The following CFAP92 variants were observed in gnomAD, a reference collection of about 807,000 sequenced individuals.
The protein encoded by CFAP92 is uncharacterized protein CFAP92.
CFAP92 carries 86 observed loss-of-function variants against 106.3 expected under a neutral mutation model. The ratio of observed to expected loss-of-function variants is 0.81; its 90% CI spans 0.68 to 0.97. CFAP92 has a LOEUF of 0.97. Among genes scored for constraint, CFAP92 ranks in the 50% least tolerant of loss-of-function variants. The pLI is 0.00. For synonymous variants in CFAP92, 477 were observed against 506.4 expected (o/e 0.94, Z 0.78); for missense variants, 1,204 against 1,283.8 (o/e 0.94, Z 0.95).
At chr3:129,021,634 C>T in the CFAP92 span, among the ~76,000 whole-genome samples, 26 of 152,124 alleles carry the variant, frequency 1.7e-4, no homozygotes, top group East Asian at 3.9e-4. Context: ...TGTGAGTCTG[C>T]GCGGGTATCT....
chr3:128,913,120 T>A (rs1050437364), intron 15 of CFAP92: 29 of 444,294 alleles, frequency 6.5e-5, no homozygotes, highest in African/African-American at 5.2e-4. Context: ...TGTTAGCCTT[T>A]GCTGTACTTG....
intron 4 of CFAP92, among the ~76,000 whole-genome samples, chr3:128,982,783 A>G (rs1450862228): frequency 6.6e-6 from 1 of 152,208 alleles, no homozygotes; most frequent in Non-Finnish European, 1.5e-5. Flanking sequence ...AGGCCTGAAG[A>G]GAGGGAGAGA....
rs1395154337 is a variant in CFAP92, at chr3:128,911,530, T to A, written c.3281-1197A>T. 3.9e-5 allele frequency among the ~76,000 whole-genome samples: 6 copies of A among 152,282 alleles called. No individual in the cohort carries two copies. In the East Asian group the frequency reaches 1.2e-3, roughly 29 times the overall value. On this transcript the variant is annotated intron_variant, in intron 15 of 15. Transcript: ENST00000645291. Reference sequence around the variant, plus strand: ...TTGGCTCACTGCAACCTCCACCTCCTGGGTTCAAGCAACTCCTGTGCCTCA... The same window carrying A: ...TTGGCTCACTGCAACCTCCACCTCCAGGGTTCAAGCAACTCCTGTGCCTCA...
intron 9 of CFAP92, among the ~76,000 whole-genome samples, chr3:128,957,863 T>G (rs1246074453): frequency 6.6e-6 from 1 of 152,122 alleles, no homozygotes; most frequent in Non-Finnish European, 1.5e-5. Context: ...AGAAATTTAT[T>G]GTCTCCCTGT....
At chr3:128,926,854 G>C (rs2107694997) in intron 12 of CFAP92, among the ~76,000 whole-genome samples, 1 of 152,188 alleles carries the variant, frequency 6.6e-6, no homozygotes, top group African/African-American at 2.4e-5. Flanking sequence ...CCAGCACTTT[G>C]GTAGGCTGAG....
At chr3:129,002,575 C>T (rs1476316986) in exon 1 of CFAP92, 3 of 643,384 alleles carry the variant, frequency 4.7e-6, no homozygotes, top group Non-Finnish European at 4.7e-6. Context: ...CAACCATACC[C>T]CACTTTTCTG....
intron 1 of CFAP92, among the ~76,000 whole-genome samples, chr3:129,001,167 C>T (rs150764581): frequency 0.011 from 1,722 of 152,338 alleles, 25 homozygotes; most frequent in South Asian, 0.057. Context: ...GAGGCCGCCA[C>T]CCCCAAGGCC....
chr3:128,920,028 C>T (rs1033841020), intron 12 of CFAP92, among the ~76,000 whole-genome samples: 2 of 152,124 alleles, frequency 1.3e-5, no homozygotes, highest in African/African-American at 4.8e-5. Flanking sequence ...TGCCAGGTAA[C>T]AGGATGAAAA....
intron 9 of CFAP92, among the ~76,000 whole-genome samples, chr3:128,951,642 T>C (rs1436482393): frequency 1.3e-5 from 2 of 151,960 alleles, no homozygotes; most frequent in Non-Finnish European, 2.9e-5. Context: ...CCAGTGAGAG[T>C]AGGCAGAAAG....
Position 128,992,670 on chromosome 3 carries a change from G to C in CFAP92, c.262+373C>G, listed in dbSNP as rs980892013. On this transcript the variant is annotated intron_variant, in intron 2 of 15. Transcript: ENST00000645291. ...GCTCACCACAACCTCCACCTCCGGG[G>C]TTCAAGAGACTCTCCTGCCTCAGAC... is the stretch of plus-strand genomic sequence containing the variant. 7.8e-4 allele frequency among the ~76,000 whole-genome samples: 118 copies of C among 152,142 alleles called. 1 individual carries two copies. The highest frequency in any genetic ancestry group is 2.8e-3 in the African/African-American group (118 of 41,528).
chr3:128,962,982 G>A (rs62265314), intron 9 of CFAP92, among the ~76,000 whole-genome samples: 4 of 151,606 alleles, frequency 2.6e-5, no homozygotes, highest in African/African-American at 4.8e-5. Flanking sequence ...CTTTGCACCC[G>A]TCATCCCAGC....
At chr3:129,001,796 C>T in intron 1 of CFAP92, 1 of 1,544,992 alleles carries the variant, frequency 6.5e-7, no homozygotes, top group Non-Finnish European at 8.7e-7. Context: ...CCGGCCTGGA[C>T]CAGTACCTGC....
intron 1 of CFAP92, chr3:129,001,601 C>T: frequency 7.4e-7 from 1 of 1,355,460 alleles, no homozygotes; most frequent in Non-Finnish European, 9.4e-7. Context: ...GGAGGAGGGA[C>T]CGGAGGAGCG....
At chr3:128,944,050 C>T (rs1939956521) in intron 10 of CFAP92, among the ~76,000 whole-genome samples, 1 of 151,440 alleles carries the variant, frequency 6.6e-6, no homozygotes, top group Non-Finnish European at 1.5e-5. Context: ...CCACCTTGGC[C>T]ACCCAAGTAG....
chr3:128,916,671 A>T (rs541523239), intron 12 of CFAP92, among the ~76,000 whole-genome samples: 2 of 152,244 alleles, frequency 1.3e-5, no homozygotes, highest in Admixed American at 6.5e-5. Flanking sequence ...TCAAGTGTGC[A>T]TAAGGATTAT....
chr3:128,945,703 G>A lies in CFAP92; in HGVS notation c.1626C>T (p.Leu542=). 6.5e-7 allele frequency: 1 copy of A among 1,536,092 alleles called. No individual in the cohort carries two copies. The highest frequency in any genetic ancestry group is 8.7e-7 in the Non-Finnish European group (1 of 1,146,908). ...PLDSYLNFQA[L]ISPRETENNP... The stretch of plus-strand genomic sequence containing the variant: ...TGTTCTCTGTCTCTCTGGGAGAGAT[G>A]AGGGCCTGGAAGTTGAGGTATGAAT... Residue 542 remains leucine (L), a synonymous_variant, in exon 10 of 16, where the codon CTC becomes CTT. Coordinates refer to ENST00000645291, the MANE Select transcript of CFAP92 (RefSeq NM_001394090.1).
intron 2 of CFAP92, chr3:128,991,687 G>A: frequency 2.4e-6 from 2 of 835,044 alleles, no homozygotes; most frequent in South Asian, 3.9e-5. Context: ...GGCCTCAGCC[G>A]GCCTGCACCA....
At chr3:128,910,487 C>T (rs761705507) in intron 15 of CFAP92, among the ~76,000 whole-genome samples, 154 bp from the exon 16 acceptor site, 1 of 152,190 alleles carries the variant, frequency 6.6e-6, no homozygotes, top group Non-Finnish European at 1.5e-5. Context: ...CTGCACTTTC[C>T]AGAGCACCTG....
Position 128,987,958 on chromosome 3 carries a change from T to A in CFAP92, c.454-129A>T, listed in dbSNP as rs532357016. ...GCCTGACTTCAGTGCCTGGTCACTC[T>A]CCAGGCTCTGAGCTCAGGGAAAATG... On this transcript the variant is annotated intron_variant, in intron 3 of 15. Transcript: ENST00000645291. The A allele has an allele frequency of 1.7e-3, 1,212 of 707,236 alleles. 18 individuals carry two copies. The South Asian group carries it at 0.021, about 12-fold the overall frequency. The allele number at this position is 707,236 out of a possible 1,614,324, so 43.8% of individuals were successfully genotyped here. A position where few individuals can be genotyped will look rare whatever the true frequency, so the allele number is the denominator to read the frequency against.
Sources: gnomAD v4.1 joint callset for allele counts (sites outside exome capture counted in the v4.1 genomes callset) on GRCh38, gnomAD v4.1.1 for gene constraint, MANE v1.5 for transcripts, NCBI Gene and HGNC (gene_info 2026-07-23, HGNC 2026-07-21) for gene names.